Variants in MAP2 observed in about 807,000 individuals in gnomAD.
MAP2 encodes microtubule-associated protein 2.
In MAP2, 14 loss-of-function variants were observed where a neutral mutation model predicts 137.6. That is an observed-to-expected ratio of 0.10 (90% confidence interval 0.07 to 0.16). The LOEUF is 0.16. Among genes scored for constraint, MAP2 ranks in the 10% least tolerant of loss-of-function variants. MAP2 has a pLI of 1.00. For missense variants in MAP2, 2,088 were observed against 2,191.5 expected (o/e 0.95, Z 0.94); for synonymous variants, 786 against 782.3 (o/e 1.00, Z -0.08).
intron 11 of MAP2, chr2:209,705,348 T>G (rs1159353772): frequency 3.3e-6 from 1 of 299,422 alleles, no homozygotes. Flanking sequence ...GAACTTGAAC[T>G]TCACACTCAG....
chr2:209,504,433 A>C (rs2060787527), intron 1 of MAP2, among the ~76,000 whole-genome samples: 1 of 152,206 alleles, frequency 6.6e-6, no homozygotes, highest in South Asian at 2.1e-4. Flanking sequence ...GTCAAATGAT[A>C]AATTGAGGCC....
At chr2:209,633,963 T>C (rs2093335440) in intron 4 of MAP2, among the ~76,000 whole-genome samples, 1 of 152,174 alleles carries the variant, frequency 6.6e-6, no homozygotes, top group Admixed American at 6.5e-5. Flanking sequence ...CAAGCTGTCC[T>C]AAGATTCCCT....
In MAP2 at chr2:209,693,986, A is replaced by G. The variant is rs191979907; in HGVS notation, c.1816A>G (p.Ile606Val). The G allele has an allele frequency of 5.0e-6, 8 of 1,614,080 alleles. No individual in the cohort carries two copies. In the Admixed American group the frequency reaches 6.7e-5, roughly 13 times the overall value. Reference protein sequence around the residue: ...SDTRESVHESIDTMSPMHKNG... With the variant: ...SDTRESVHESVDTMSPMHKNG... ...CACTAGAGAAAGTGTCCATGAGTCT[A>G]TTGATACCATGTCTCCCATGCATAA... Residue 606 changes from isoleucine to valine, a missense_variant, in exon 8 of 16, where the codon ATT becomes GTT. Physicochemically the swap from Ile to Val is conservative, Grantham distance 29 (BLOSUM62 3). Transcript: ENST00000682079.
Position 209,695,133 on chromosome 2 carries a change from A to G in MAP2, c.2963A>G (p.Glu988Gly). 6.2e-7 allele frequency: 1 copy of G among 1,614,182 alleles called. No individual in the cohort carries two copies. The highest frequency in any genetic ancestry group is 1.1e-5 in the South Asian group (1 of 91,086). Reference protein sequence around the residue: ...KKTEEAGDEIETFGLGVTYEQ... With the variant: ...KKTEEAGDEIGTFGLGVTYEQ... Reference sequence around the variant, plus strand: ...ACTGAAGAGGCTGGTGATGAAATAGAAACATTCGGATTAGGAGTAACCTAT... The same window carrying G: ...ACTGAAGAGGCTGGTGATGAAATAGGAACATTCGGATTAGGAGTAACCTAT... The change falls in exon 8 of 16, where the codon GAA becomes GGA. Residue 988 changes from glutamate (E) to glycine (G), a missense_variant. Glu to Gly is a moderately conservative substitution (Grantham distance 98). Transcript: ENST00000682079.
At chr2:209,467,278 C>T (rs915399948) in intron 1 of MAP2, among the ~76,000 whole-genome samples, 1 of 152,100 alleles carries the variant, frequency 6.6e-6, no homozygotes, top group Non-Finnish European at 1.5e-5. Flanking sequence ...GTTTCTACCC[C>T]TGTCATTTTG....
intron 10 of MAP2, among the ~76,000 whole-genome samples, chr2:209,699,319 C>T (rs1276895790): frequency 6.6e-6 from 1 of 151,870 alleles, no homozygotes; most frequent in East Asian, 1.9e-4. Flanking sequence ...CTTTTTAGAA[C>T]TTATTCAGAG....
At position 209,477,990 on chromosome 2, in the gene MAP2, C is replaced by T. The variant is rs541203833; in HGVS notation, c.-221-29602C>T. On this transcript the variant is annotated intron_variant, in intron 1 of 15. Coordinates refer to ENST00000682079, the MANE Select transcript of MAP2 (RefSeq NM_001375505.1). ...CTGCACTCCAGCCTGGGGAACAGAG[C>T]GAGACTCTGTCTCAAAAAATAAAAT... Among the ~76,000 whole-genome samples, 19 of 151,984 alleles carry T rather than the reference C, an allele frequency of 1.3e-4. No homozygotes were observed. The East Asian group carries it at 1.4e-3, about 11-fold the overall frequency.
chr2:209,650,269 G>A (rs1200815214), intron 4 of MAP2, among the ~76,000 whole-genome samples: 1 of 152,172 alleles, frequency 6.6e-6, no homozygotes, highest in Non-Finnish European at 1.5e-5. Context: ...AATAAATACG[G>A]TGTTAGAAAA....
chr2:209,656,628 T>G (rs926409657), intron 5 of MAP2, among the ~76,000 whole-genome samples: 1 of 152,196 alleles, frequency 6.6e-6, no homozygotes, highest in Non-Finnish European at 1.5e-5. Context: ...AGATTTTTTC[T>G]TACCACTAAA....
chr2:209,657,533 G>A (rs181047658), intron 5 of MAP2, among the ~76,000 whole-genome samples: 1 of 152,164 alleles, frequency 6.6e-6, no homozygotes, highest in East Asian at 1.9e-4. Context: ...GATTAGTGAT[G>A]TTGAGCATTT....
rs919513826 is a variant in MAP2 at position 209,514,604 on chromosome 2, C to A, written c.-172+6963C>A. Among the ~76,000 whole-genome samples the A allele has an allele frequency of 4.6e-5, 7 of 152,098 alleles. No homozygotes were observed. The South Asian group carries it at 6.2e-4, about 14-fold the overall frequency. ...TTATGTCATTAAAAAGTATTATAACCTAAATATAGGCCTTATATCTTATTA... is the reference window on the plus strand; with the variant it reads ...TTATGTCATTAAAAAGTATTATAACATAAATATAGGCCTTATATCTTATTA... On this transcript the variant is annotated intron_variant, in intron 2 of 15. Transcript: ENST00000682079.
At chr2:209,574,182 C>G (rs2074916491) in intron 2 of MAP2, among the ~76,000 whole-genome samples, 1 of 152,038 alleles carries the variant, frequency 6.6e-6, no homozygotes, top group South Asian at 2.1e-4. Context: ...ATACTCTAAC[C>G]TACATCTCCT....
chr2:209,622,522 G>A (rs2091444178), intron 3 of MAP2, among the ~76,000 whole-genome samples: 1 of 152,124 alleles, frequency 6.6e-6, no homozygotes, highest in South Asian at 2.1e-4. Context: ...TATATGAAGT[G>A]CTTGGATCAT....
intron 1 of MAP2, among the ~76,000 whole-genome samples, chr2:209,502,408 C>G (rs2060493012): frequency 6.6e-6 from 1 of 152,140 alleles, no homozygotes; most frequent in African/African-American, 2.4e-5. Context: ...CATGTTGTTG[C>G]AAATGGCAGG....
In MAP2 at chr2:209,454,912, G is replaced by A. The variant is rs548301114; in HGVS notation, c.-222+30636G>A. Among the ~76,000 whole-genome samples, 134 of 152,224 alleles carry A rather than the reference G, an allele frequency of 8.8e-4. 1 individual carries two copies. Among genetic ancestry groups the A allele is most frequent in the African/African-American group, 3.2e-3 (131 of 41,530 alleles). ...ACATTTATTTCTCACAGTTCTGGAG[G>A]CTAGACAGTCCAATAACAAGGTGCC... On this transcript the variant is annotated intron_variant, in intron 1 of 15. Transcript: ENST00000682079.
intron 5 of MAP2, among the ~76,000 whole-genome samples, chr2:209,665,622 T>C (rs2045970760): frequency 6.6e-6 from 1 of 152,178 alleles, no homozygotes; most frequent in South Asian, 2.1e-4. Flanking sequence ...ATATTATGTA[T>C]CCTATTTTTG....
intron 2 of MAP2, among the ~76,000 whole-genome samples, chr2:209,546,339 A>G (rs973196493): frequency 2.6e-5 from 4 of 152,054 alleles, no homozygotes; most frequent in African/African-American, 9.7e-5. Flanking sequence ...AATGACACAA[A>G]TTGTATGTTT....
intron 7 of MAP2, among the ~76,000 whole-genome samples, chr2:209,683,611 T>G (rs1015125458): frequency 2.6e-5 from 4 of 152,220 alleles, no homozygotes; most frequent in African/African-American, 9.6e-5. Context: ...AACTGTTCAA[T>G]TTTTCAAACC....
At chr2:209,703,927 G>A in intron 11 of MAP2, 1 of 453,062 alleles carries the variant, frequency 2.2e-6, no homozygotes, top group African/African-American at 2.0e-5. Context: ...AAATAAAATG[G>A]TTTAGCATTA....
Sources: allele counts gnomAD v4.1 joint callset (sites outside exome capture counted in the v4.1 genomes callset), GRCh38; gene constraint gnomAD v4.1.1; transcripts MANE v1.5; gene names NCBI Gene and HGNC (gene_info 2026-07-23, HGNC 2026-07-21).